The following STIM1 variants were observed in gnomAD, a reference collection of about 807,000 sequenced individuals.
STIM1 encodes the protein stromal interaction molecule 1.
STIM1 carries 25 observed loss-of-function variants against 74.7 expected under a neutral mutation model. The ratio of observed to expected loss-of-function variants is 0.33; its 90% confidence interval spans 0.24 to 0.47. STIM1 has a LOEUF of 0.47. Among genes scored for constraint, STIM1 ranks in the 20% least tolerant of loss-of-function variants. The probability of loss-of-function intolerance (pLI) is 1.00; values close to 1 mark genes in which losing one functional copy is unlikely to be tolerated. For synonymous variants in STIM1, 328 were observed against 348.8 expected (o/e 0.94, Z 0.66); for missense variants, 728 against 920.8 (o/e 0.79, Z 2.71).
intron 5 of STIM1, among the ~76,000 whole-genome samples, chr11:4,060,472 T>C (rs570590004): frequency 2.6e-5 from 4 of 152,352 alleles, no homozygotes; most frequent in Middle Eastern, 6.8e-3. Context: ...ATCCATACTT[T>C]TTGAAAGTAT....
At chr11:4,088,737 A>T (rs2094507134) in intron 12 of STIM1, 2 of 1,535,692 alleles carry the variant, frequency 1.3e-6, no homozygotes, top group South Asian at 2.4e-5. Flanking sequence ...CTCTCTAGTA[A>T]GGTCAGTAGC....
chr11:4,035,851 C>CTTTTTTTTTTTTTT (rs35310625), intron 3 of STIM1, among the ~76,000 whole-genome samples: 1 of 123,314 alleles, frequency 8.1e-6, no homozygotes, highest in African/African-American at 3.2e-5. Flanking sequence ...TGTTGTTTTG[C>CTTTTTTTTTTTTTT]TTTTTTTTTT....
intron 3 of STIM1, among the ~76,000 whole-genome samples, chr11:4,025,799 ACTTCCAGTG>A (rs1415713011): frequency 6.6e-6 from 1 of 152,202 alleles, no homozygotes; most frequent in Non-Finnish European, 1.5e-5. Context: ...TATTTGGAAC[ACTTCCAGTG>A]TATTCTAAAT....
rs779378127 is a variant in STIM1 at position 4,092,971 on chromosome 11, C to A, written c.*1173C>A. 1.4e-5 allele frequency: 2 copies of A among 142,260 alleles called. No homozygotes were observed. The highest frequency in any genetic ancestry group is 2.5e-5 in the African/African-American group (1 of 39,546). The allele number at this position is 142,260 out of a possible 1,614,324, so 8.8% of individuals were successfully genotyped here. A position where few individuals can be genotyped will look rare whatever the true frequency, so the allele number is the denominator to read the frequency against. ...CACCCTTCCCACCCTCTAGACAACT[C>A]TCTCCCTTACCTGTTTTTGCTATGG... On this transcript the variant is annotated 3_prime_UTR_variant, in exon 13 of 13. Transcript: ENST00000526596.
intron 2 of STIM1, among the ~76,000 whole-genome samples, chr11:3,976,365 T>C (rs1234834494): frequency 6.6e-6 from 1 of 152,202 alleles, no homozygotes; most frequent in Non-Finnish European, 1.5e-5. Flanking sequence ...GGTCAGTGGT[T>C]ATCAGGGGTT....
intron 1 of STIM1, among the ~76,000 whole-genome samples, chr11:3,939,221 A>G (rs1338435488): frequency 2.6e-5 from 4 of 152,200 alleles, no homozygotes; most frequent in Non-Finnish European, 5.9e-5. Flanking sequence ...CATCATGATT[A>G]TCTGGTTATG....
chr11:4,041,274 T>C (rs549470194), intron 3 of STIM1, among the ~76,000 whole-genome samples: 2 of 152,302 alleles, frequency 1.3e-5, no homozygotes, highest in Non-Finnish European at 2.9e-5. Flanking sequence ...TATTCCCCTC[T>C]CTAGAAGAGA....
chr11:3,894,905 AT>A (rs35236633), intron 1 of STIM1, among the ~76,000 whole-genome samples: 89 of 113,210 alleles, frequency 7.9e-4, no homozygotes, highest in African/African-American at 1.0e-3. Context: ...CGCCTGGCTA[AT>A]TTTTTTTTTT....
At chr11:3,964,269 A>G (rs1324341590) in intron 1 of STIM1, among the ~76,000 whole-genome samples, 3 of 152,188 alleles carry the variant, frequency 2.0e-5, no homozygotes, top group Admixed American at 6.5e-5. Context: ...GCCAGATTGG[A>G]ATGCGTAAGA....
chr11:3,938,737 C>G (rs1316849771), intron 1 of STIM1, among the ~76,000 whole-genome samples: 1 of 152,146 alleles, frequency 6.6e-6, no homozygotes. Flanking sequence ...ATCCCAGCTA[C>G]TCAGAAGGCC....
chr11:3,928,427 G>A (rs1044273951), intron 1 of STIM1, among the ~76,000 whole-genome samples: 20 of 151,966 alleles, frequency 1.3e-4, no homozygotes, highest in African/African-American at 4.6e-4. Context: ...AAGTTTCACC[G>A]TGTTGGCCAG....
Position 3,897,412 on chromosome 11 carries a change from C to T in STIM1, c.139+41003C>T, listed in dbSNP as rs117079452. On this transcript the variant is annotated intron_variant, in intron 1 of 12. Transcript: ENST00000526596. ...GTAATTTTAGTAGTCCAGGTATTCT[C>T]TACTACTTTTGGGTCCTGTCTATTC... 3.3e-5 allele frequency among the ~76,000 whole-genome samples: 5 copies of T among 152,326 alleles called. No homozygotes were observed. The East Asian group carries it at 9.6e-4, about 29-fold the overall frequency.
intron 2 of STIM1, among the ~76,000 whole-genome samples, chr11:4,000,277 G>C (rs4910872): frequency 0.77 from 82,389 of 106,902 alleles, 34,430 homozygotes; most frequent in East Asian, 0.91. Context: ...TGGGCAGACT[G>C]CCTCCTCAAG....
At position 3,909,589 on chromosome 11, in the gene STIM1, C is replaced by G. The variant is rs180745013; in HGVS notation, c.139+53180C>G. Among the ~76,000 whole-genome samples, 17 of 152,234 alleles carry G rather than the reference C, an allele frequency of 1.1e-4. No individual in the cohort carries two copies. In the East Asian group the frequency reaches 3.1e-3, roughly 28 times the overall value. On this transcript the variant is annotated intron_variant, in intron 1 of 12. Transcript: ENST00000526596. The stretch of plus-strand genomic sequence containing the variant: ...CCTGTAATCCCAGCACTTTGAGAGG[C>G]TGAGGCGGGCGGATCACGAGGTCAG...
At chr11:4,074,701 T>G in intron 7 of STIM1, 22 bp downstream of exon 7, 1 of 1,552,020 alleles carries the variant, frequency 6.4e-7, no homozygotes, top group South Asian at 1.2e-5. Flanking sequence ...CACAAATTCC[T>G]GGACACCTTG....
At chr11:3,944,741 G>A (rs557823012) in intron 1 of STIM1, among the ~76,000 whole-genome samples, 9 of 152,190 alleles carry the variant, frequency 5.9e-5, no homozygotes, top group Non-Finnish European at 1.5e-5. Flanking sequence ...GTGAGCATCG[G>A]TGAGCTGTTG....
intron 1 of STIM1, among the ~76,000 whole-genome samples, chr11:3,885,546 A>G (rs990910203): frequency 6.6e-6 from 1 of 152,188 alleles, no homozygotes. Flanking sequence ...AGATAATTAT[A>G]ATTTTCTTTT....
chr11:3,960,944 ATAAAT>A (rs566308863), intron 1 of STIM1, among the ~76,000 whole-genome samples: 1 of 152,312 alleles, frequency 6.6e-6, no homozygotes, highest in Admixed American at 6.5e-5. Flanking sequence ...TTGTTCTAAA[ATAAAT>A]TAAAGAGAGC....
intron 1 of STIM1, among the ~76,000 whole-genome samples, chr11:3,886,690 A>C (rs1264542564): frequency 1.1e-4 from 8 of 72,658 alleles, no homozygotes; most frequent in African/African-American, 3.5e-4. Context: ...TCTGTGTCAA[A>C]AAAAAAAAAA....
Sources: allele counts gnomAD v4.1 joint callset (sites outside exome capture counted in the v4.1 genomes callset), GRCh38; gene constraint gnomAD v4.1.1; transcripts MANE v1.5; gene names NCBI Gene and HGNC (gene_info 2026-07-23, HGNC 2026-07-21).